Variants in SPMIP2 observed in about 807,000 individuals in gnomAD.
The protein encoded by SPMIP2 is sperm microtubule inner protein 2, also known as protein SPMIP2.
chr4:159,015,366 A>G, the SPMIP2 span, among the ~76,000 whole-genome samples: 1 of 152,260 alleles, frequency 6.6e-6, no homozygotes, highest in Non-Finnish European at 1.5e-5. Flanking sequence ...ATATTTTAGG[A>G]TAGCATTACA....
chr4:159,007,959 T>C, the SPMIP2 span: 1 of 378,380 alleles, frequency 2.6e-6, no homozygotes, highest in South Asian at 2.0e-5. Flanking sequence ...ATATTTCACC[T>C]GGCACAGTGG....
At chr4:159,035,041 A>G in the SPMIP2 span, 4 of 1,612,634 alleles carry the variant, frequency 2.5e-6, no homozygotes, top group East Asian at 8.9e-5. Flanking sequence ...ACCTGTAAAA[A>G]TCATTTGTTT....
chr4:158,967,662 G>A, the SPMIP2 span, among the ~76,000 whole-genome samples: 2 of 152,150 alleles, frequency 1.3e-5, no homozygotes, highest in Non-Finnish European at 2.9e-5. Context: ...CAAAACTGGT[G>A]GCTATTTTTA....
At chr4:158,984,618 G>A in the SPMIP2 span, among the ~76,000 whole-genome samples, 1 of 151,830 alleles carries the variant, frequency 6.6e-6, no homozygotes, top group African/African-American at 2.4e-5. Flanking sequence ...GAATCTCTGG[G>A]ACACATTCAA....
chr4:158,994,495 T>C, the SPMIP2 span, among the ~76,000 whole-genome samples: 7 of 152,176 alleles, frequency 4.6e-5, no homozygotes, highest in African/African-American at 1.7e-4. Flanking sequence ...GGATGAGAGC[T>C]CACAGTTACA....
At chr4:159,058,887 C>T in the SPMIP2 span, among the ~76,000 whole-genome samples, 2 of 151,950 alleles carry the variant, frequency 1.3e-5, no homozygotes, top group Non-Finnish European at 2.9e-5. Context: ...TACAGTTTTA[C>T]ATAAAGTAAA....
chr4:159,055,016 G>A, the SPMIP2 span, among the ~76,000 whole-genome samples: 1 of 152,186 alleles, frequency 6.6e-6, no homozygotes, highest in Non-Finnish European at 1.5e-5. Flanking sequence ...TAACTAGAAA[G>A]CCTTATCAAG....
At chr4:159,029,268 T>A in the SPMIP2 span, among the ~76,000 whole-genome samples, 3 of 152,170 alleles carry the variant, frequency 2.0e-5, no homozygotes, top group Non-Finnish European at 4.4e-5. Context: ...ACATGAATTA[T>A]AGAAATCAGA....
At chr4:159,081,197 CTG>C in the SPMIP2 span, among the ~76,000 whole-genome samples, 1 of 151,990 alleles carries the variant, frequency 6.6e-6, no homozygotes, top group East Asian at 1.9e-4. Flanking sequence ...ACCACTGCAC[CTG>C]GCTAATTTTT....
chr4:158,977,560 A>ATTTTTTGAAGGG, the SPMIP2 span, among the ~76,000 whole-genome samples: 3 of 130,792 alleles, frequency 2.3e-5, no homozygotes, highest in South Asian at 7.4e-4. Flanking sequence ...GGATTCATTG[A>ATTTTTTGAAGGG]TTTTTTGAAG....
chr4:159,037,965 T>TTCTC, the SPMIP2 span, among the ~76,000 whole-genome samples: 1 of 151,328 alleles, frequency 6.6e-6, no homozygotes, highest in Admixed American at 6.6e-5. Flanking sequence ...GTAAAGATAT[T>TTCTC]TCTCTCTCTC....
At chr4:158,990,108 C>A in the SPMIP2 span, among the ~76,000 whole-genome samples, 1 of 152,048 alleles carries the variant, frequency 6.6e-6, no homozygotes, top group African/African-American at 2.4e-5. Context: ...TTTATGCAAC[C>A]AATAAACATA....
chr4:158,988,727 TG>T, the SPMIP2 span, among the ~76,000 whole-genome samples: 2 of 152,152 alleles, frequency 1.3e-5, no homozygotes, highest in South Asian at 2.1e-4. Context: ...TAGGTATTGA[TG>T]GAGTGTATCT....
chr4:159,020,809 T>C, the SPMIP2 span, among the ~76,000 whole-genome samples: 1 of 152,214 alleles, frequency 6.6e-6, no homozygotes, highest in Admixed American at 6.5e-5. Context: ...TTGCCCAGGC[T>C]GGAGTGCAGT....
At chr4:159,058,928 A>C in the SPMIP2 span, among the ~76,000 whole-genome samples, 14 of 84,448 alleles carry the variant, frequency 1.7e-4, no homozygotes, top group African/African-American at 5.5e-4. Flanking sequence ...TGTAATTCCT[A>C]CTTTAATTTT....
the SPMIP2 span, among the ~76,000 whole-genome samples, chr4:159,000,621 G>C: frequency 6.6e-6 from 1 of 150,990 alleles, no homozygotes; most frequent in African/African-American, 2.4e-5. Context: ...AGCCTCCCTA[G>C]TATCTGAGAT....
At chr4:159,035,119 C>G in the SPMIP2 span, 5 of 1,601,130 alleles carry the variant, frequency 3.1e-6, no homozygotes, top group Non-Finnish European at 3.4e-6. Flanking sequence ...AACCGTGCTA[C>G]TGGATTTTCT....
the SPMIP2 span, among the ~76,000 whole-genome samples, chr4:159,060,607 G>A: frequency 3.3e-5 from 5 of 152,210 alleles, no homozygotes; most frequent in African/African-American, 7.2e-5. Flanking sequence ...TAGGTTGAAG[G>A]AGCTATGGTT....
At chr4:158,983,231 C>T in the SPMIP2 span, among the ~76,000 whole-genome samples, 1 of 152,070 alleles carries the variant, frequency 6.6e-6, no homozygotes, top group Non-Finnish European at 1.5e-5. Flanking sequence ...AGTTGGAAAA[C>T]ACTCTGCAGG....
Sources: allele counts gnomAD v4.1 joint callset (sites outside exome capture counted in the v4.1 genomes callset), GRCh38; gene constraint gnomAD v4.1.1; transcripts MANE v1.5; gene names NCBI Gene and HGNC (gene_info 2026-07-23, HGNC 2026-07-21).